Variants in ITGAE observed in about 807,000 individuals in gnomAD.
ITGAE encodes the protein integrin subunit alpha E, also known as integrin alpha-E.
ITGAE carries 99 observed loss-of-function variants against 136.5 expected under a neutral mutation model. The ratio of observed to expected loss-of-function variants is 0.73; its 90% CI spans 0.62 to 0.86. The LOEUF (loss-of-function observed/expected upper bound fraction) is 0.86, where lower values mean the gene tolerates loss of function less well. Ranked by LOEUF, ITGAE falls within the 40% of genes least tolerant of loss-of-function variation. The probability of loss-of-function intolerance (pLI) is 0.00; values close to 1 mark genes in which losing one functional copy is unlikely to be tolerated. For missense variants in ITGAE, 1,447 were observed against 1,515.3 expected (o/e 0.95, Z 0.75); for synonymous variants, 613 against 591.8 (o/e 1.04, Z -0.52).
At chr17:3,731,324 C>T in intron 22 of ITGAE, 141 bp from the exon 23 acceptor site, 1 of 556,016 alleles carries the variant, frequency 1.8e-6, no homozygotes, top group South Asian at 2.1e-5. Flanking sequence ...CAGCATGTTT[C>T]CTTTCCCTTC....
intron 20 of ITGAE, among the ~76,000 whole-genome samples, chr17:3,738,601 C>T (rs2051514280): frequency 6.6e-6 from 1 of 152,240 alleles, no homozygotes; most frequent in Non-Finnish European, 1.5e-5. Flanking sequence ...CGCTGCCCAA[C>T]ACCACCAGCC....
rs2051024485 is a variant in ITGAE at position 3,720,361 on chromosome 17, T to C, written c.3279A>G (p.Ile1093Met). Residue 1093 changes from isoleucine to methionine, a missense_variant, in exon 29 of 31, where the codon ATA becomes ATG. Transcript: ENST00000263087. ...DVTELQILGE[I>M]SFNKSLYEGL... ...CCTCATATAGAGATTTGTTGAAAGATATTTCACCAAGGATCTGCAGTTCAG... is the reference window on the plus strand; with the variant it reads ...CCTCATATAGAGATTTGTTGAAAGACATTTCACCAAGGATCTGCAGTTCAG... The C allele has an allele frequency of 6.3e-7, 1 of 1,587,192 alleles. No homozygotes were observed. Among genetic ancestry groups the C allele is most frequent in the Non-Finnish European group, 8.7e-7 (1 of 1,155,450 alleles).
chr17:3,780,692 C>A (rs542677573), intron 1 of ITGAE, among the ~76,000 whole-genome samples: 36 of 152,216 alleles, frequency 2.4e-4, no homozygotes, highest in African/African-American at 8.4e-4. Flanking sequence ...CTCAGCCTCC[C>A]AAATATTTTT....
At chr17:3,719,255 A>AG (rs2051003050) in intron 29 of ITGAE, among the ~76,000 whole-genome samples, 1 of 140,988 alleles carries the variant, frequency 7.1e-6, no homozygotes, top group Non-Finnish European at 1.5e-5. Flanking sequence ...AAAAAAAAAA[A>AG]AGAAAAGAAA....
intron 2 of ITGAE, among the ~76,000 whole-genome samples, chr17:3,777,085 T>G (rs909533610): frequency 6.6e-6 from 1 of 151,864 alleles, no homozygotes; most frequent in African/African-American, 2.4e-5. Context: ...CTCAGCCTCC[T>G]GAGTAGCTGG....
intron 21 of ITGAE, 51 bp downstream of exon 21, chr17:3,734,766 A>G (rs1462411958): frequency 6.2e-7 from 1 of 1,608,970 alleles, no homozygotes; most frequent in Non-Finnish European, 8.5e-7. Context: ...GCAGGCATGC[A>G]GCGAGGGAGG....
In ITGAE at chr17:3,743,725, T is replaced by C. The variant is rs1189907757; in HGVS notation, c.2320-108A>G. The C allele has an allele frequency of 2.0e-4, 174 of 889,156 alleles. 2 individuals carry two copies. The highest frequency in any genetic ancestry group is 2.7e-4 in the Admixed American group (8 of 30,106). The allele number at this position is 889,156 out of a possible 1,614,324, so 55.1% of individuals were successfully genotyped here. A position where few individuals can be genotyped will look rare whatever the true frequency, so the allele number is the denominator to read the frequency against. On this transcript the variant is annotated intron_variant, in intron 18 of 30. Coordinates refer to ENST00000263087, the MANE Select transcript of ITGAE (RefSeq NM_002208.5). ...TTTTTCTTTTTTTTTTTTTTTGAGATGGAGTCTTGCTCTGTTGCCCAGGCT... is the reference window on the plus strand; with the variant it reads ...TTTTTCTTTTTTTTTTTTTTTGAGACGGAGTCTTGCTCTGTTGCCCAGGCT...
chr17:3,797,332 A>T (rs966598559), intron 1 of ITGAE, among the ~76,000 whole-genome samples: 3 of 149,854 alleles, frequency 2.0e-5, no homozygotes, highest in Non-Finnish European at 4.4e-5. Flanking sequence ...TGCCCAGCTA[A>T]TTTTTTGTGT....
At chr17:3,719,234 T>TAAAAAAAAAAAAAAAAAAAAAAAAA (rs2050999265) in intron 29 of ITGAE, among the ~76,000 whole-genome samples, 1 of 34,834 alleles carries the variant, frequency 2.9e-5, no homozygotes, top group African/African-American at 1.2e-4. Flanking sequence ...AGATTCTTCC[T>TAAAAAAAAAAAAAAAAAAAAAAAAA]CAAAAAAAAA....
At chr17:3,727,046 A>G (rs1007050128) in intron 26 of ITGAE, among the ~76,000 whole-genome samples, 9 of 151,982 alleles carry the variant, frequency 5.9e-5, no homozygotes, top group African/African-American at 2.2e-4. Context: ...CCCTCTTTCT[A>G]ATTGTCAGCA....
At position 3,727,865 on chromosome 17, in the gene ITGAE, C is replaced by T. The variant is rs2051250307; in HGVS notation, c.3084+54G>A. On this transcript the variant is annotated intron_variant, in intron 26 of 30. Transcript: ENST00000263087. ...AGAACTCTGGTTTTTATACTTGAGA[C>T]TCTGTAGTCACTGTGGAAAGAGGTG... is the stretch of plus-strand genomic sequence containing the variant. The T allele has an allele frequency of 5.5e-6, 6 of 1,095,824 alleles. No homozygotes were observed. The South Asian group carries it at 6.2e-5, about 11-fold the overall frequency. 67.9% of individuals were successfully genotyped at this position (1,095,824 alleles called of 1,614,324 possible).
intron 2 of ITGAE, among the ~76,000 whole-genome samples, chr17:3,776,054 CTT>C (rs71153398): frequency 1.3e-4 from 16 of 122,818 alleles, no homozygotes; most frequent in Middle Eastern, 4.5e-3. Context: ...GTGCTAAGCC[CTT>C]TTTTTTTTTT....
chr17:3,757,951 TG>T (rs1335606043), intron 8 of ITGAE, 92 bp from the exon 9 acceptor site: 1 of 1,450,946 alleles, frequency 6.9e-7, no homozygotes, highest in East Asian at 2.3e-5. Flanking sequence ...GTATTAGAAT[TG>T]GGAGGGTTCA....
chr17:3,795,878 CGTGTGCATCCGTGTGT>C (rs1239323907), intron 1 of ITGAE, among the ~76,000 whole-genome samples: 1 of 128,164 alleles, frequency 7.8e-6, no homozygotes, highest in Non-Finnish European at 1.6e-5. Flanking sequence ...CATCCGTGTG[CGTGTGCATCCGTGTGT>C]GTGCATCTGT....
chr17:3,715,794 C>T (rs2567881), intron 30 of ITGAE, among the ~76,000 whole-genome samples: 3 of 151,790 alleles, frequency 2.0e-5, no homozygotes, highest in Admixed American at 6.6e-5. Context: ...CCTAGGAGTA[C>T]GAGGCTGCAG....
chr17:3,785,488 GAAGGAAGGAGGAAGGA>G (rs2052762928), intron 1 of ITGAE, among the ~76,000 whole-genome samples: 1 of 135,448 alleles, frequency 7.4e-6, no homozygotes, highest in African/African-American at 2.9e-5. Flanking sequence ...AGGAAGGAAG[GAAGGAAGGAGGAAGGA>G]AGGAAGGAAG....
rs1169131947 is a variant in ITGAE at position 3,799,392 on chromosome 17, C to A, written c.34+1719G>T. Among the ~76,000 whole-genome samples, 1 of 152,122 alleles carries A rather than the reference C, an allele frequency of 6.6e-6. No individual in the cohort carries two copies. The highest frequency in any genetic ancestry group is 1.5e-5 in the Non-Finnish European group (1 of 68,036). On this transcript the variant is annotated intron_variant, in intron 1 of 30. Transcript: ENST00000263087. The surrounding 1 kb of genome is among the most constrained non-coding windows in gnomAD (Gnocchi z 4.1). ...TCCATCATCGCTCTCTGCTGCCCAT[C>A]AGCTTGGGAAGGGCCTAGGCCTCAA...
At chr17:3,716,645 G>C (rs759178212) in intron 30 of ITGAE, 43 bp downstream of exon 30, 1 of 1,201,156 alleles carries the variant, frequency 8.3e-7, no homozygotes, top group South Asian at 1.2e-5. Context: ...CCCAAAACTA[G>C]AGCCCAGTCT....
At chr17:3,783,998 C>T (rs2052721728) in intron 1 of ITGAE, among the ~76,000 whole-genome samples, 2 of 152,232 alleles carry the variant, frequency 1.3e-5, no homozygotes, top group African/African-American at 4.8e-5. Context: ...CGGCGGCTCA[C>T]GCCTGTAATC....
Sources: gnomAD v4.1 joint callset for allele counts (sites outside exome capture counted in the v4.1 genomes callset) on GRCh38, gnomAD v4.1.1 for gene constraint, Gnocchi (gnomAD v3.1) non-coding constraint, MANE v1.5 for transcripts, NCBI Gene and HGNC (gene_info 2026-07-23, HGNC 2026-07-21) for gene names.